Variants in MYOM3 observed in about 807,000 individuals in gnomAD.
MYOM3 encodes the protein myomesin-3.
MYOM3 carries 155 observed loss-of-function variants against 191.7 expected under a neutral mutation model. The observed-to-expected ratio is 0.81, with a 90% CI of 0.71 to 0.92. MYOM3 has a LOEUF of 0.92. Among genes scored for constraint, MYOM3 ranks in the 40% least tolerant of loss-of-function variants. The pLI, the probability that MYOM3 is intolerant of heterozygous loss-of-function variation, is 0.00. For synonymous variants in MYOM3, 757 were observed against 762.9 expected (o/e 0.99, Z 0.13); for missense variants, 1,889 against 1,890.6 (o/e 1.00, Z 0.02).
chr1:24,092,073 G>T, intron 11 of MYOM3, 101 bp downstream of exon 11: 1 of 1,181,672 alleles, frequency 8.5e-7, no homozygotes, highest in East Asian at 2.9e-5. Flanking sequence ...GGGGTGTGAG[G>T]GTTCTCTGAG....
intron 6 of MYOM3, among the ~76,000 whole-genome samples, chr1:24,098,221 G>A (rs1479325675): frequency 6.6e-6 from 1 of 152,162 alleles, no homozygotes; most frequent in Non-Finnish European, 1.5e-5. Context: ...CTGGGGACAC[G>A]ACACCACCTA....
intron 14 of MYOM3, among the ~76,000 whole-genome samples, chr1:24,088,592 A>G (rs1157771077): frequency 2.0e-5 from 3 of 152,160 alleles, no homozygotes; most frequent in Admixed American, 6.5e-5. Context: ...CAGCTTTCCT[A>G]TGTCGGAGAA....
chr1:24,089,517 TGGGG>T lies in MYOM3; in HGVS notation c.1614+17_1614+20del. ...TCTGTTTCTCAGGCTGGCCTGGGGCTGGGGCCTCGGGGTTCCCTACCTTCTCCAG... is the reference window on the plus strand; with the variant it reads ...TCTGTTTCTCAGGCTGGCCTGGGGCTCCTCGGGGTTCCCTACCTTCTCCAG... On this transcript the variant is annotated intron_variant, in intron 14 of 36. Coordinates refer to ENST00000374434, the MANE Select transcript of MYOM3 (RefSeq NM_152372.4). The T allele has an allele frequency of 6.3e-7, 1 of 1,588,574 alleles. No homozygotes were observed. Among genetic ancestry groups the T allele is most frequent in the Non-Finnish European group, 8.6e-7 (1 of 1,167,118 alleles).
intron 36 of MYOM3, 71 bp downstream of exon 36, chr1:24,058,853 C>A (rs376706742): frequency 8.8e-7 from 1 of 1,139,744 alleles, no homozygotes; most frequent in Non-Finnish European, 1.3e-6. Context: ...TGCATTGTTT[C>A]GTGATCTGTG....
intron 5 of MYOM3, among the ~76,000 whole-genome samples, chr1:24,104,558 C>T (rs563343474): frequency 2.1e-4 from 32 of 152,260 alleles, no homozygotes; most frequent in African/African-American, 7.5e-4. Flanking sequence ...TCACTGCAAC[C>T]TCCGCCTCCC....
At chr1:24,070,418 C>CAA (rs58259293) in intron 25 of MYOM3, among the ~76,000 whole-genome samples, 3 of 136,524 alleles carry the variant, frequency 2.2e-5, no homozygotes, top group South Asian at 2.3e-4. Context: ...CCTGTCTCTA[C>CAA]AAAAAAAAAA....
At chr1:24,091,708 G>C (rs1448794364) in intron 11 of MYOM3, among the ~76,000 whole-genome samples, 1 of 152,226 alleles carries the variant, frequency 6.6e-6, no homozygotes, top group Non-Finnish European at 1.5e-5. Flanking sequence ...ACGGTCATGA[G>C]CCTGTCCGTG....
In MYOM3 at chr1:24,061,036, C is replaced by T. The variant is rs755839381; in HGVS notation, c.3994+24G>A. The stretch of plus-strand genomic sequence containing the variant: ...TTTGCCCCAAATTCAGAAACAAAAA[C>T]AACAGAAATATCGGCCGACTTACTC... On this transcript the variant is annotated intron_variant, in intron 35 of 36. Transcript: ENST00000374434. 2.5e-6 allele frequency: 4 copies of T among 1,613,816 alleles called. No homozygotes were observed. In the East Asian group the frequency reaches 8.9e-5, roughly 36 times the overall value.
chr1:24,089,930 C>A, intron 13 of MYOM3, 135 bp downstream of exon 13: 1 of 899,242 alleles, frequency 1.1e-6, no homozygotes, highest in Non-Finnish European at 1.7e-6. Context: ...AGCACTCTGA[C>A]TGCCTCCAAC....
intron 27 of MYOM3, 136 bp from the exon 28 acceptor site, chr1:24,067,224 G>T: frequency 1.3e-6 from 1 of 781,344 alleles, no homozygotes; most frequent in Non-Finnish European, 2.1e-6. Context: ...CCAGGGCTGG[G>T]ACTGGGGTGA....
chr1:24,077,065 ACC>A (rs66521253), intron 20 of MYOM3, among the ~76,000 whole-genome samples: 3 of 151,488 alleles, frequency 2.0e-5, no homozygotes, highest in African/African-American at 7.3e-5. Context: ...CAGGTGATCC[ACC>A]CCCCCTTGGC....
intron 5 of MYOM3, among the ~76,000 whole-genome samples, chr1:24,104,665 A>G (rs1029936983): frequency 3.3e-5 from 5 of 152,082 alleles, no homozygotes; most frequent in African/African-American, 1.2e-4. Context: ...TAGTAGAGAC[A>G]GGGTTTCCCA....
intron 20 of MYOM3, among the ~76,000 whole-genome samples, chr1:24,078,918 AT>A (rs1643634323): frequency 6.6e-6 from 1 of 152,040 alleles, no homozygotes. Flanking sequence ...ACTATTTGTG[AT>A]TTTCTTACCT....
At chr1:24,061,917 T>G (rs886579949) in intron 33 of MYOM3, 29 bp downstream of exon 33, 99 of 1,613,088 alleles carry the variant, frequency 6.1e-5, no homozygotes, top group Non-Finnish European at 8.1e-5. Flanking sequence ...CTAAGCAGGT[T>G]TCCCTGCAGA....
intron 4 of MYOM3, among the ~76,000 whole-genome samples, chr1:24,106,556 T>C (rs557636200): frequency 1.3e-5 from 2 of 152,290 alleles, no homozygotes; most frequent in South Asian, 4.1e-4. Flanking sequence ...TGAGAATTTT[T>C]ACAATGACGT....
intron 35 of MYOM3, among the ~76,000 whole-genome samples, chr1:24,059,331 C>T (rs11249059): frequency 0.26 from 38,997 of 152,114 alleles, 5,288 homozygotes; most frequent in South Asian, 0.45. Flanking sequence ...GACGGGGTTT[C>T]GCCATGTTGC....
chr1:24,101,908 C>T (rs1318715026), intron 5 of MYOM3, among the ~76,000 whole-genome samples: 1 of 152,132 alleles, frequency 6.6e-6, no homozygotes, highest in African/African-American at 2.4e-5. Flanking sequence ...GTCCTGGAGG[C>T]CTAAGGAGTA....
At chr1:24,099,016 A>G (rs540498991) in intron 6 of MYOM3, among the ~76,000 whole-genome samples, 1 of 152,072 alleles carries the variant, frequency 6.6e-6, no homozygotes, top group Non-Finnish European at 1.5e-5. Flanking sequence ...CGTATGTGAA[A>G]AGCACCCAGC....
intron 30 of MYOM3, 47 bp downstream of exon 30, chr1:24,064,025 C>T: frequency 7.4e-7 from 1 of 1,354,786 alleles, no homozygotes; most frequent in Non-Finnish European, 1.1e-6. Context: ...TCACAGTCTG[C>T]TCCACTGTGC....
Sources: gnomAD v4.1 joint callset for allele counts (sites outside exome capture counted in the v4.1 genomes callset) on GRCh38, gnomAD v4.1.1 for gene constraint, MANE v1.5 for transcripts, NCBI Gene and HGNC (gene_info 2026-07-23, HGNC 2026-07-21) for gene names.